KCNN1: variants seen among roughly 807,000 people sequenced by gnomAD.
KCNN1 encodes potassium calcium-activated channel subfamily N member 1.
In KCNN1, 20 loss-of-function variants were observed where a neutral mutation model predicts 44.7. The observed-to-expected ratio is 0.45, with a 90% CI of 0.32 to 0.65. KCNN1 has a LOEUF of 0.65. Ranked by LOEUF, KCNN1 falls within the 30% of genes least tolerant of loss-of-function variation. The pLI is 0.05. For missense variants in KCNN1, 632 were observed against 785.3 expected, an observed-to-expected ratio of 0.80 and a Z score of 2.33; for synonymous variants, 324 against 341.7, an observed-to-expected ratio of 0.95 and a Z score of 0.57.
chr19:17,982,977 T>G (rs970166419), intron 4 of KCNN1, among the ~76,000 whole-genome samples: 1 of 151,106 alleles, frequency 6.6e-6, no homozygotes, highest in African/African-American at 2.4e-5. Flanking sequence ...GACGCGGAGG[T>G]TGCAGTGAGC....
At chr19:17,961,884 T>G (rs879470174) in intron 2 of KCNN1, among the ~76,000 whole-genome samples, 1 of 151,944 alleles carries the variant, frequency 6.6e-6, no homozygotes, top group African/African-American at 2.4e-5. Flanking sequence ...CCACTGAGCC[T>G]GGCCAAAAAA....
At chr19:17,968,000 C>T (rs530072511) in intron 1 of KCNN1, among the ~76,000 whole-genome samples, 3 of 149,648 alleles carry the variant, frequency 2.0e-5, no homozygotes, top group South Asian at 2.1e-4. Context: ...GGCTCCTGGG[C>T]GGCCCATGGG....
rs373259721 is a variant in KCNN1 at position 17,974,070 on chromosome 19, G to C, written c.182G>C (p.Gly61Ala). 1 of 1,611,470 alleles carries C rather than the reference G, an allele frequency of 6.2e-7. No homozygotes were observed. The highest frequency in any genetic ancestry group is 1.1e-5 in the South Asian group (1 of 91,072). The change falls in exon 2 of 10, where the codon GGG becomes GCG. Residue 61 changes from glycine (G) to alanine (A), a missense_variant. Physicochemically the swap from Gly to Ala is moderately conservative, Grantham distance 60 (BLOSUM62 0). Coordinates refer to ENST00000684775, the MANE Select transcript of KCNN1 (RefSeq NM_001386974.1). The surrounding 1 kb of genome is among the most constrained non-coding windows in gnomAD (Gnocchi z 7.3). The part of the protein sequence containing the change: ...PARPSPGSPR[G>A]QPQDQDDDED... ...CGGCCCTCACCCGGCAGCCCCCGGG[G>C]GCAGCCCCAGGACCAGGACGATGAC...
chr19:17,990,494 AG>A (rs1298567717), intron 7 of KCNN1, among the ~76,000 whole-genome samples: 1 of 150,564 alleles, frequency 6.6e-6, no homozygotes, highest in African/African-American at 2.4e-5. Context: ...AAAAAAAAAA[AG>A]AAAGAAAAGA....
chr19:17,988,394 C>T (rs1240392708), intron 5 of KCNN1, 21 bp from the exon 6 acceptor site: 1 of 1,595,390 alleles, frequency 6.3e-7, no homozygotes, highest in South Asian at 1.1e-5. Flanking sequence ...CGCTGATGTG[C>T]CCCCTCTGCC....
intron 2 of KCNN1, among the ~76,000 whole-genome samples, chr19:17,961,659 G>T (rs1034703831): frequency 1.1e-4 from 16 of 146,282 alleles, no homozygotes; most frequent in Non-Finnish European, 2.1e-4. Flanking sequence ...TTGGCTCACT[G>T]CAACCTCTGC....
chr19:17,970,165 G>A (rs763420091), intron 1 of KCNN1, among the ~76,000 whole-genome samples: 108 of 152,106 alleles, frequency 7.1e-4, no homozygotes, highest in Admixed American at 3.9e-4. Context: ...CGGGAGGTCA[G>A]GCCTTACAAG....
intron 3 of KCNN1, among the ~76,000 whole-genome samples, chr19:17,981,276 G>T (rs2032394442): frequency 6.6e-6 from 1 of 151,884 alleles, no homozygotes; most frequent in Non-Finnish European, 1.5e-5. Context: ...AAGAGGCTGG[G>T]CATGGTGGCT....
chr19:17,965,184 T>G (rs1038565426), upstream of KCNN1, among the ~76,000 whole-genome samples: 1 of 151,576 alleles, frequency 6.6e-6, no homozygotes, highest in Non-Finnish European at 1.5e-5. Context: ...GAGAATTGCT[T>G]GAACCCAGGA....
At position 17,974,539 on chromosome 19, in the gene KCNN1, G is replaced by A. The variant is rs1443781965; in HGVS notation, c.402+249G>A. 6.6e-6 allele frequency among the ~76,000 whole-genome samples: 1 copy of A among 152,164 alleles called. No individual in the cohort carries two copies. Among genetic ancestry groups the A allele is most frequent in the Non-Finnish European group, 1.5e-5 (1 of 68,006 alleles). On this transcript the variant is annotated intron_variant, in intron 2 of 9. Coordinates refer to ENST00000684775, the MANE Select transcript of KCNN1 (RefSeq NM_001386974.1). The surrounding 1 kb of genome is among the most constrained non-coding windows in gnomAD (Gnocchi z 7.3). ...AAGGGGCTGCACCCTGGCTTAAGGCGGAGGGGGGCTTCCCCCCAGGACAGG... is the reference window on the plus strand; with the variant it reads ...AAGGGGCTGCACCCTGGCTTAAGGCAGAGGGGGGCTTCCCCCCAGGACAGG...
intron 5 of KCNN1, among the ~76,000 whole-genome samples, chr19:17,987,068 A>G (rs1599370883): frequency 6.6e-6 from 1 of 150,492 alleles, no homozygotes; most frequent in African/African-American, 2.4e-5. Context: ...CAGCCTCCCA[A>G]GGTGCTGGGA....
At chr19:17,992,958 C>T in intron 7 of KCNN1, 96 bp from the exon 8 acceptor site, 2 of 1,510,146 alleles carry the variant, frequency 1.3e-6, no homozygotes, top group Non-Finnish European at 1.8e-6. Flanking sequence ...AGGGTGGCAT[C>T]CCCGGGAGGT....
chr19:17,974,126 C>CA lies in KCNN1; in HGVS notation c.239dup (p.Arg81GlufsTer95). The CA allele has an allele frequency of 6.2e-7, 1 of 1,612,970 alleles. No individual in the cohort carries two copies. Among genetic ancestry groups the CA allele is most frequent in the Non-Finnish European group, 8.5e-7 (1 of 1,179,856 alleles). Reference sequence around the variant, plus strand: ...TGATGAGGAAGATGAGGCCGGCAGGCAGAGAGCCTCGGGGAAACCCTCAAA... The same window carrying CA: ...TGATGAGGAAGATGAGGCCGGCAGGCAAGAGAGCCTCGGGGAAACCCTCAAA... On this transcript the variant is annotated frameshift_variant, in exon 2 of 10. Coordinates refer to ENST00000684775, the MANE Select transcript of KCNN1 (RefSeq NM_001386974.1). The surrounding 1 kb of genome is among the most constrained non-coding windows in gnomAD (Gnocchi z 7.3).
intron 2 of KCNN1, among the ~76,000 whole-genome samples, chr19:17,961,579 T>A (rs1268883102): frequency 1.4e-5 from 1 of 72,692 alleles, no homozygotes; most frequent in Non-Finnish European, 2.8e-5. Flanking sequence ...TCTTTCTTTC[T>A]TTCTTTCTTT....
At chr19:17,963,062 C>T (rs1211071876), upstream of KCNN1, among the ~76,000 whole-genome samples, 1 of 138,810 alleles carries the variant, frequency 7.2e-6, no homozygotes, top group Non-Finnish European at 1.5e-5. Context: ...GGCTGGAGTG[C>T]AGTGGCGCGA....
rs2032485870 is a variant in KCNN1 at position 17,983,354 on chromosome 19, C to T, written c.917+1227C>T. 6.6e-6 allele frequency among the ~76,000 whole-genome samples: 1 copy of T among 152,144 alleles called. No homozygotes were observed. The highest frequency in any genetic ancestry group is 1.5e-5 in the Non-Finnish European group (1 of 67,994). ...CCTCAGCACCCCATCCTCATCCCTC[C>T]ACCCAGCCCCCACCCCCCATACTCC... On this transcript the variant is annotated intron_variant, in intron 4 of 9. Transcript: ENST00000684775. The surrounding 1 kb of genome is among the most constrained non-coding windows in gnomAD (Gnocchi z 4.5).
At chr19:17,961,363 G>A (rs1033477992) in intron 2 of KCNN1, among the ~76,000 whole-genome samples, 1 of 151,682 alleles carries the variant, frequency 6.6e-6, no homozygotes, top group African/African-American at 2.4e-5. Context: ...CCTCACTTGA[G>A]CCCAGGAATA....
In KCNN1 at chr19:17,992,935, C is replaced by T. The variant is rs546195074; in HGVS notation, c.1299-119C>T. 104 of 1,321,318 alleles carry T rather than the reference C, an allele frequency of 7.9e-5. No individual in the cohort carries two copies. The African/African-American group carries it at 8.1e-4, about 10-fold the overall frequency. 81.8% of individuals were successfully genotyped at this position (1,321,318 alleles called of 1,614,324 possible). ...CAGCCCCTCGGCCATCTGGGAACCC[C>T]GCGCGGGGCCCTAGGGTGGCATCCC... On this transcript the variant is annotated intron_variant, in intron 7 of 9. Transcript: ENST00000684775.
At chr19:17,965,063 G>A (rs1432814701), upstream of KCNN1, among the ~76,000 whole-genome samples, 2 of 151,882 alleles carry the variant, frequency 1.3e-5, no homozygotes, top group African/African-American at 4.8e-5. Context: ...TTAGGAGTTC[G>A]AGACCAGCCT....
Sources: allele counts gnomAD v4.1 joint callset (sites outside exome capture counted in the v4.1 genomes callset), GRCh38; gene constraint gnomAD v4.1.1; non-coding constraint Gnocchi (gnomAD v3.1); transcripts MANE v1.5; gene names NCBI Gene and HGNC (gene_info 2026-07-23, HGNC 2026-07-21).